The following GRK3 variants were observed in gnomAD, a reference collection of about 807,000 sequenced individuals.
GRK3 encodes the protein G protein-coupled receptor kinase 3.
A neutral mutation model predicts 95.7 loss-of-function variants in GRK3; 54 were observed. The observed-to-expected ratio is 0.56, with a 90% CI of 0.45 to 0.71. The LOEUF (loss-of-function observed/expected upper bound fraction) is 0.71. Among genes scored for constraint, GRK3 ranks in the 30% least tolerant of loss-of-function variants. The pLI is 0.00. For synonymous variants in GRK3, 281 were observed against 290.8 expected, an observed-to-expected ratio of 0.97 and a Z score of 0.34; for missense variants, 649 against 851.2, an observed-to-expected ratio of 0.76 and a Z score of 2.96.
At chr22:25,678,155 T>C (rs186836959) in intron 8 of GRK3, among the ~76,000 whole-genome samples, 105 of 152,298 alleles carry the variant, frequency 6.9e-4, no homozygotes, top group Admixed American at 1.1e-3. Flanking sequence ...TAAACTCTTA[T>C]AAAAATTGAC....
intron 2 of GRK3, among the ~76,000 whole-genome samples, chr22:25,619,300 A>T (rs898215414): frequency 2.6e-5 from 4 of 152,112 alleles, no homozygotes; most frequent in African/African-American, 9.7e-5. Flanking sequence ...TACATACGTG[A>T]TCTCATTTAG....
chr22:25,686,977 GC>G (rs1223383964), intron 10 of GRK3, among the ~76,000 whole-genome samples: 1 of 152,054 alleles, frequency 6.6e-6, no homozygotes, highest in Non-Finnish European at 1.5e-5. Context: ...GTGCCACCAC[GC>G]CTGGCTAATT....
In GRK3 at chr22:25,698,847, G is replaced by T. The variant is rs532448607; in HGVS notation, c.1160+3633G>T. Among the ~76,000 whole-genome samples, 8 of 152,280 alleles carry T rather than the reference G, an allele frequency of 5.3e-5. No homozygotes were observed. In the East Asian group the frequency reaches 1.5e-3, roughly 29 times the overall value. ...GCCCTGGAACCTGACAGGAGCAAAT[G>T]ACATGGCGGCATTGCAGAGTTAGCT... On this transcript the variant is annotated intron_variant, in intron 13 of 20. Coordinates refer to ENST00000324198, the MANE Select transcript of GRK3 (RefSeq NM_005160.4).
At chr22:25,567,533 G>A (rs1156699132) in intron 1 of GRK3, among the ~76,000 whole-genome samples, 1 of 152,180 alleles carries the variant, frequency 6.6e-6, no homozygotes, top group Non-Finnish European at 1.5e-5. Flanking sequence ...TAAATAGCTG[G>A]TATGACTTCA....
In GRK3 at chr22:25,724,194, TCCC is replaced by T. The variant is rs1182833008; in HGVS notation, c.*1745_*1747del. The T allele has an allele frequency of 2.0e-5, 3 of 151,844 alleles. No individual in the cohort carries two copies. The highest frequency in any genetic ancestry group is 7.3e-5 in the African/African-American group (3 of 41,272). 9.4% of individuals were successfully genotyped at this position (151,844 alleles called of 1,614,324 possible). On this transcript the variant is annotated 3_prime_UTR_variant, in exon 21 of 21. Transcript: ENST00000324198. ...CATTGTTCTTAAAGAGTGAATGTCT[TCCC>T]AGCCCTGGTTAATTATAGCTGTGAC...
At chr22:25,666,641 G>T (rs962861713) in intron 5 of GRK3, among the ~76,000 whole-genome samples, 1 of 152,038 alleles carries the variant, frequency 6.6e-6, no homozygotes, top group African/African-American at 2.4e-5. Context: ...AGGAAGCAAG[G>T]CTCCCAGAAG....
At chr22:25,718,724 G>A (rs950951579) in intron 19 of GRK3, among the ~76,000 whole-genome samples, 1 of 152,194 alleles carries the variant, frequency 6.6e-6, no homozygotes, top group Non-Finnish European at 1.5e-5. Flanking sequence ...CCACTGCTGA[G>A]TGTCTCTGGG....
chr22:25,650,591 G>A (rs1035701978), intron 3 of GRK3, among the ~76,000 whole-genome samples: 2 of 152,108 alleles, frequency 1.3e-5, no homozygotes, highest in African/African-American at 4.8e-5. Flanking sequence ...AAAGAAATAC[G>A]AGAAAAGAAA....
chr22:25,679,412 T>C (rs1272541832), intron 9 of GRK3, among the ~76,000 whole-genome samples: 1 of 152,224 alleles, frequency 6.6e-6, no homozygotes, highest in Admixed American at 6.5e-5. Context: ...GCTACTCTGT[T>C]TATCAGCCTT....
At chr22:25,692,104 C>T (rs2146440177) in intron 12 of GRK3, among the ~76,000 whole-genome samples, 1 of 152,248 alleles carries the variant, frequency 6.6e-6, no homozygotes, top group East Asian at 1.9e-4. Flanking sequence ...GCTGGGACCA[C>T]AGTCATGTGC....
rs985946427 is a variant in GRK3, at chr22:25,724,209, A to G, written c.*1759A>G. On this transcript the variant is annotated 3_prime_UTR_variant, in exon 21 of 21. Transcript: ENST00000324198. ...GTGAATGTCTTCCCAGCCCTGGTTA[A>G]TTATAGCTGTGACTGATGCCGTTCC... 9 of 151,980 alleles carry G rather than the reference A, an allele frequency of 5.9e-5. No individual in the cohort carries two copies. The highest frequency in any genetic ancestry group is 4.6e-4 in the Admixed American group (7 of 15,238). The allele number at this position is 151,980 out of a possible 1,614,324, so 9.4% of individuals were successfully genotyped here.
chr22:25,620,006 TTGTGTGTGTGTGTGTG>T lies in GRK3; in HGVS notation c.190+15590_190+15605del, dbSNP rs56260834. Among the ~76,000 whole-genome samples, 473 of 90,312 alleles carry T rather than the reference TTGTGTGTGTGTGTGTG, an allele frequency of 5.2e-3. 3 individuals are homozygous for T. The highest frequency in any genetic ancestry group is 7.7e-3 in the Non-Finnish European group (396 of 51,240). 59.2% of individuals were successfully genotyped at this position (90,312 alleles called of 152,430 possible). On this transcript the variant is annotated intron_variant, in intron 2 of 20. Transcript: ENST00000324198. ...TTACTCTTCCTTTCCTTTGTCTTTT[TTGTGTGTGTGTGTGTG>T]TGTGTGTGTGTGTGTGTGTGTGTGT...
chr22:25,707,047 C>T (rs768777801), intron 15 of GRK3, among the ~76,000 whole-genome samples: 9 of 151,826 alleles, frequency 5.9e-5, no homozygotes, highest in Non-Finnish European at 1.2e-4. Context: ...GTCTTGAACT[C>T]CTGGCCTCAA....
chr22:25,694,245 T>C (rs1015842212), intron 12 of GRK3, among the ~76,000 whole-genome samples: 1 of 152,050 alleles, frequency 6.6e-6, no homozygotes, highest in Non-Finnish European at 1.5e-5. Context: ...ATGAAGAAAA[T>C]TAATCGTGGA....
intron 2 of GRK3, among the ~76,000 whole-genome samples, chr22:25,640,188 T>C (rs1004722448): frequency 1.3e-5 from 2 of 152,208 alleles, no homozygotes; most frequent in Non-Finnish European, 2.9e-5. Context: ...AATACAATGT[T>C]GAAGAGGAGT....
intron 1 of GRK3, among the ~76,000 whole-genome samples, chr22:25,588,249 C>G (rs1482767379): frequency 6.6e-6 from 1 of 152,110 alleles, no homozygotes; most frequent in Non-Finnish European, 1.5e-5. Flanking sequence ...CAGTGAAATT[C>G]AAGTATATTT....
chr22:25,569,708 C>T (rs1045187350), intron 1 of GRK3, among the ~76,000 whole-genome samples: 10 of 152,168 alleles, frequency 6.6e-5, no homozygotes, highest in African/African-American at 2.4e-4. Context: ...CGCCTGGCCT[C>T]CCTAGGGTCC....
chr22:25,600,747 G>A (rs1300957232), intron 1 of GRK3, among the ~76,000 whole-genome samples: 1 of 150,334 alleles, frequency 6.7e-6, no homozygotes, highest in African/African-American at 2.5e-5. Flanking sequence ...GTATACCAAC[G>A]GATGACTATC....
chr22:25,638,301 C>T (rs1187978236), intron 2 of GRK3, among the ~76,000 whole-genome samples: 1 of 152,196 alleles, frequency 6.6e-6, no homozygotes, highest in Non-Finnish European at 1.5e-5. Flanking sequence ...AAATGCTACA[C>T]TAGGAAGTCA....
Sources: gnomAD v4.1 joint callset for allele counts (sites outside exome capture counted in the v4.1 genomes callset) on GRCh38, gnomAD v4.1.1 for gene constraint, MANE v1.5 for transcripts, NCBI Gene and HGNC (gene_info 2026-07-23, HGNC 2026-07-21) for gene names.